The following BACH2 variants were observed in gnomAD, a reference collection of about 807,000 sequenced individuals.
BACH2 encodes the protein transcription regulator protein BACH2.
A neutral mutation model predicts 61.8 loss-of-function variants in BACH2; 5 were observed. The ratio of observed to expected loss-of-function variants is 0.08; its 90% CI spans 0.04 to 0.17. The LOEUF (loss-of-function observed/expected upper bound fraction) is 0.17. BACH2 is among the 10% of genes least tolerant of loss of function. The pLI is 1.00. For synonymous variants in BACH2, 446 were observed against 440.1 expected, an observed-to-expected ratio of 1.01 and a Z score of -0.17; for missense variants, 824 against 1,091.1, an observed-to-expected ratio of 0.76 and a Z score of 3.45.
intron 4 of BACH2, among the ~76,000 whole-genome samples, chr6:90,188,789 G>T (rs576303339): frequency 3.5e-4 from 51 of 147,442 alleles, no homozygotes; most frequent in Non-Finnish European, 2.8e-4. Context: ...AGCGAAAGGG[G>T]ACTGAGTATT....
chr6:90,226,315 G>A lies in BACH2; in HGVS notation c.-274-19634C>T, dbSNP rs534911772. Among the ~76,000 whole-genome samples, 4 of 152,300 alleles carry A rather than the reference G, an allele frequency of 2.6e-5. No individual in the cohort carries two copies. In the South Asian group the frequency reaches 8.3e-4, roughly 32 times the overall value. On this transcript the variant is annotated intron_variant, in intron 3 of 8. Transcript: ENST00000257749. ...GTTTGGTTGAGTGGAAGCACTGCAT[G>A]ACTTGCCTCAAGAGGAGACTCCCTG...
intron 6 of BACH2, among the ~76,000 whole-genome samples, chr6:90,003,904 C>T (rs1023072562): frequency 9.9e-5 from 15 of 152,194 alleles, no homozygotes; most frequent in African/African-American, 2.9e-4. Flanking sequence ...AAAGACTTCA[C>T]CCCTGTTTCC....
intron 6 of BACH2, among the ~76,000 whole-genome samples, chr6:89,994,214 TCA>T (rs1034297207): frequency 3.9e-5 from 6 of 152,176 alleles, no homozygotes; most frequent in Non-Finnish European, 8.8e-5. Context: ...CCTGCTTCCT[TCA>T]CAGTCATACA....
intron 1 of BACH2, among the ~76,000 whole-genome samples, chr6:90,273,787 T>C (rs1304025151): frequency 4.6e-5 from 7 of 152,128 alleles, no homozygotes; most frequent in Non-Finnish European, 1.0e-4. Context: ...GGAGGGAAGC[T>C]CACAGGCTGG....
At position 89,950,923 on chromosome 6, in the gene BACH2, G is replaced by A. The variant is rs567674347; in HGVS notation, c.1183C>T (p.Pro395Ser). Residue 395 changes from proline (P) to serine (S), a missense_variant, in exon 7 of 9, where the codon CCC becomes TCC. This residue lies in a region of BACH2 where 226 missense variants were observed against 228.5 expected (regional missense o/e 0.99). Transcript: ENST00000257749. The surrounding 1 kb of genome is among the most constrained non-coding windows in gnomAD (Gnocchi z 5.3). ...GACACCTCCTTCTGGCCCACGTGGG[G>A]CTGTCCATAATTCCCTGTGAAAGGG... Reference protein sequence around the residue: ...YTPFTGNYGQPHVGQKEVSNF... With the variant: ...YTPFTGNYGQSHVGQKEVSNF... 89 of 1,584,548 alleles carry A rather than the reference G, an allele frequency of 5.6e-5. 1 individual carries two copies. The South Asian group carries it at 1.0e-3, about 18-fold the overall frequency.
intron 6 of BACH2, among the ~76,000 whole-genome samples, chr6:89,971,028 T>A (rs1775330939): frequency 6.6e-6 from 1 of 152,258 alleles, no homozygotes; most frequent in Non-Finnish European, 1.5e-5. Flanking sequence ...TTATATTTAA[T>A]GCAGAATAAA....
At chr6:90,091,888 T>C (rs1396073196) in intron 4 of BACH2, among the ~76,000 whole-genome samples, 1 of 152,140 alleles carries the variant, frequency 6.6e-6, no homozygotes, top group African/African-American at 2.4e-5. Flanking sequence ...ACTTCATAAT[T>C]TAAGCATCAT....
Position 89,927,376 on chromosome 6 carries a change from A to G in BACH2, c.*5032T>C, listed in dbSNP as rs1289791953. Reference sequence around the variant, plus strand: ...TGTTTTGGTAGAAGACTGAGCATCCATCTGTAGGAAAACCCCTCTTTGTCC... The same window carrying G: ...TGTTTTGGTAGAAGACTGAGCATCCGTCTGTAGGAAAACCCCTCTTTGTCC... On this transcript the variant is annotated 3_prime_UTR_variant, in exon 9 of 9. Coordinates refer to ENST00000257749, the MANE Select transcript of BACH2 (RefSeq NM_021813.4). 6.5e-6 allele frequency: 1 copy of G among 152,838 alleles called. No individual in the cohort carries two copies. The highest frequency in any genetic ancestry group is 1.5e-5 in the Non-Finnish European group (1 of 68,052). The allele number at this position is 152,838 out of a possible 1,614,324, so 9.5% of individuals were successfully genotyped here. A position where few individuals can be genotyped will look rare whatever the true frequency, so the allele number is the denominator to read the frequency against.
rs574737729 is a variant in BACH2 at position 90,120,654 on chromosome 6, T to A, written c.-161-31545A>T. On this transcript the variant is annotated intron_variant, in intron 4 of 8. Transcript: ENST00000257749. Reference sequence around the variant, plus strand: ...TGCTTTTTGAACGGGTTTTTACTGATGAATTTTTGGGAGGAGTTCAGAACC... The same window carrying A: ...TGCTTTTTGAACGGGTTTTTACTGAAGAATTTTTGGGAGGAGTTCAGAACC... Among the ~76,000 whole-genome samples the A allele has an allele frequency of 2.8e-3, 434 of 152,330 alleles. 1 individual carries two copies. Among genetic ancestry groups the A allele is most frequent in the African/African-American group, 1.0e-2 (415 of 41,578 alleles).
intron 4 of BACH2, among the ~76,000 whole-genome samples, chr6:90,129,600 T>TG (rs1373143445): frequency 2.0e-5 from 3 of 152,214 alleles, no homozygotes; most frequent in African/African-American, 7.2e-5. Context: ...TCCATGAGGA[T>TG]GGAATGTTTT....
chr6:89,943,976 G>A (rs536556903), intron 7 of BACH2, among the ~76,000 whole-genome samples: 1 of 152,332 alleles, frequency 6.6e-6, no homozygotes, highest in Non-Finnish European at 1.5e-5. Context: ...TTCCAGTGCT[G>A]CTGGAACCAG....
intron 6 of BACH2, among the ~76,000 whole-genome samples, chr6:89,964,066 G>A (rs955081987): frequency 6.6e-6 from 1 of 152,072 alleles, no homozygotes; most frequent in African/African-American, 2.4e-5. Context: ...TGGGGTGGGA[G>A]GAGTGGGGAG....
chr6:90,142,444 C>T (rs1472693905), intron 4 of BACH2, among the ~76,000 whole-genome samples: 5 of 152,184 alleles, frequency 3.3e-5, no homozygotes, highest in Non-Finnish European at 5.9e-5. Context: ...CTTATTTTTA[C>T]AGCAATTCTA....
At chr6:90,124,409 C>T (rs547825906) in intron 4 of BACH2, among the ~76,000 whole-genome samples, 3 of 152,214 alleles carry the variant, frequency 2.0e-5, no homozygotes, top group African/African-American at 7.2e-5. Flanking sequence ...TGTCTGTGTA[C>T]ACTTTAACCT....
intron 4 of BACH2, among the ~76,000 whole-genome samples, chr6:90,171,923 G>T (rs1051087391): frequency 1.3e-5 from 2 of 152,160 alleles, no homozygotes; most frequent in Non-Finnish European, 2.9e-5. Context: ...CAAAATAGAT[G>T]CAGCTGAAGT....
At chr6:90,151,832 T>A (rs965695167) in intron 4 of BACH2, among the ~76,000 whole-genome samples, 6 of 152,206 alleles carry the variant, frequency 3.9e-5, no homozygotes, top group African/African-American at 1.4e-4. Flanking sequence ...GTGCAAATTT[T>A]CCCTATGTCT....
chr6:90,136,061 C>A (rs1247935415), intron 4 of BACH2, among the ~76,000 whole-genome samples: 1 of 152,156 alleles, frequency 6.6e-6, no homozygotes, highest in Admixed American at 6.5e-5. Flanking sequence ...CTGAATTTCT[C>A]CAAGGCCAGT....
intron 6 of BACH2, among the ~76,000 whole-genome samples, chr6:89,967,640 G>A (rs1775115016): frequency 6.6e-6 from 1 of 152,234 alleles, no homozygotes; most frequent in Non-Finnish European, 1.5e-5. Context: ...GCTAGCAGGT[G>A]TCTGGATGGC....
chr6:90,127,317 C>T (rs1031611484), intron 4 of BACH2, among the ~76,000 whole-genome samples: 13 of 152,186 alleles, frequency 8.5e-5, no homozygotes, highest in Admixed American at 5.9e-4. Flanking sequence ...AGACGTGGAC[C>T]CCCTTTTTGA....
Sources: allele counts gnomAD v4.1 joint callset (sites outside exome capture counted in the v4.1 genomes callset), GRCh38; gene constraint gnomAD v4.1.1; regional missense constraint gnomAD v4.1.1; non-coding constraint Gnocchi (gnomAD v3.1); transcripts MANE v1.5; gene names NCBI Gene and HGNC (gene_info 2026-07-23, HGNC 2026-07-21).